Variants in ANKIB1 observed in about 807,000 individuals in gnomAD.
ANKIB1 encodes the protein ankyrin repeat and IBR domain-containing protein 1.
A neutral mutation model predicts 122.1 loss-of-function variants in ANKIB1; 43 were observed. The ratio of observed to expected loss-of-function variants is 0.35; its 90% CI spans 0.28 to 0.45. The LOEUF is 0.45. Among genes scored for constraint, ANKIB1 ranks in the 20% least tolerant of loss-of-function variants. ANKIB1 has a pLI of 1.00. For missense variants in ANKIB1, 992 were observed against 1,329.5 expected (o/e 0.75, Z 3.95); for synonymous variants, 390 against 442.0 (o/e 0.88, Z 1.48).
intron 3 of ANKIB1, 100 bp downstream of exon 3, chr7:92,307,756 G>A (rs1164271113): frequency 2.1e-6 from 2 of 941,738 alleles, no homozygotes; most frequent in East Asian, 6.7e-5. Context: ...TAGTAATTTG[G>A]TCATTTTTTT....
At chr7:92,322,876 C>A (rs569436646) in intron 4 of ANKIB1, among the ~76,000 whole-genome samples, 1 of 152,238 alleles carries the variant, frequency 6.6e-6, no homozygotes, top group African/African-American at 2.4e-5. Context: ...GAGTTCATAT[C>A]TTTGCCTGAT....
At chr7:92,375,890 G>C (rs913125550) in intron 11 of ANKIB1, among the ~76,000 whole-genome samples, 1 of 152,220 alleles carries the variant, frequency 6.6e-6, no homozygotes, top group African/African-American at 2.4e-5. Flanking sequence ...TTAATCCATA[G>C]GCTGCAGAAC....
chr7:92,283,629 A>G (rs1311862044), intron 1 of ANKIB1, among the ~76,000 whole-genome samples: 1 of 152,184 alleles, frequency 6.6e-6, no homozygotes, highest in African/African-American at 2.4e-5. Context: ...CAATATTTTG[A>G]TCTACCACAA....
chr7:92,345,637 C>T (rs183080510), intron 7 of ANKIB1, among the ~76,000 whole-genome samples: 2 of 152,314 alleles, frequency 1.3e-5, no homozygotes, highest in African/African-American at 4.8e-5. Flanking sequence ...TAACTTTGCT[C>T]TCATGTTGCA....
At chr7:92,329,335 C>G (rs1803106300) in intron 5 of ANKIB1, among the ~76,000 whole-genome samples, 1 of 152,168 alleles carries the variant, frequency 6.6e-6, no homozygotes, top group Non-Finnish European at 1.5e-5. Context: ...ACCTGTAGCT[C>G]TTAAATTTTA....
chr7:92,379,919 G>A (rs931486741), intron 11 of ANKIB1, among the ~76,000 whole-genome samples: 7 of 152,242 alleles, frequency 4.6e-5, no homozygotes, highest in African/African-American at 1.7e-4. Context: ...GCACACGAAG[G>A]GCAAGCCGAA....
At position 92,353,970 on chromosome 7, in the gene ANKIB1, G is replaced by C. The variant is rs146209128; in HGVS notation, c.1397+1328G>C. The stretch of plus-strand genomic sequence containing the variant: ...AAATGTCTAAAAGATAAAAAGATTA[G>C]CTTTTGCAGAGATCAGAGAAAAATT... On this transcript the variant is annotated intron_variant, in intron 9 of 19. Transcript: ENST00000265742. Among the ~76,000 whole-genome samples, 20 of 152,290 alleles carry C rather than the reference G, an allele frequency of 1.3e-4. No homozygotes were observed. The East Asian group carries it at 3.9e-3, about 29-fold the overall frequency.
intron 1 of ANKIB1, among the ~76,000 whole-genome samples, chr7:92,255,177 T>G (rs1801409599): frequency 1.3e-5 from 2 of 152,232 alleles, no homozygotes; most frequent in South Asian, 2.1e-4. Context: ...GAAAATGGAC[T>G]AATAGAATCA....
At chr7:92,288,043 A>G (rs1382400698) in intron 1 of ANKIB1, among the ~76,000 whole-genome samples, 2 of 151,516 alleles carry the variant, frequency 1.3e-5, no homozygotes, top group Non-Finnish European at 2.9e-5. Context: ...CTCAAAAAAA[A>G]AAAAAAAAAA....
intron 9 of ANKIB1, among the ~76,000 whole-genome samples, chr7:92,355,629 C>T (rs930565833): frequency 6.6e-6 from 1 of 151,990 alleles, no homozygotes; most frequent in Non-Finnish European, 1.5e-5. Flanking sequence ...GCAGGGGGAT[C>T]ATGAGGTCAG....
chr7:92,398,397 T>G lies in ANKIB1; in HGVS notation c.2718T>G (p.Pro906=). 2 of 1,613,434 alleles carry G rather than the reference T, an allele frequency of 1.2e-6. No homozygotes were observed. The highest frequency in any genetic ancestry group is 1.7e-6 in the Non-Finnish European group (2 of 1,179,620). The stretch of plus-strand genomic sequence containing the variant: ...CTGTCCCCAGAAATACAGATAGCCC[T>G]CGGGCTGCATTGAGCAGCTCTGAGC... ...LDSVPRNTDS[P]RAALSSSELL... is the part of the protein sequence containing the mutation. Residue 906 remains proline (P), a synonymous_variant, in exon 20 of 20, where the codon CCT becomes CCG. Coordinates refer to ENST00000265742, the MANE Select transcript of ANKIB1 (RefSeq NM_019004.2).
intron 11 of ANKIB1, among the ~76,000 whole-genome samples, chr7:92,377,554 T>G (rs1418080051): frequency 6.6e-6 from 1 of 152,112 alleles, no homozygotes; most frequent in Non-Finnish European, 1.5e-5. Context: ...GCCACAAACT[T>G]CAGTTTGTTT....
At chr7:92,341,640 T>C (rs1156463026) in intron 5 of ANKIB1, among the ~76,000 whole-genome samples, 1 of 152,200 alleles carries the variant, frequency 6.6e-6, no homozygotes, top group African/African-American at 2.4e-5. Context: ...TCCAGTTGAT[T>C]AAGTGGGAAA....
chr7:92,376,839 C>G (rs1804393322), intron 11 of ANKIB1, among the ~76,000 whole-genome samples: 1 of 152,168 alleles, frequency 6.6e-6, no homozygotes, highest in Non-Finnish European at 1.5e-5. Context: ...TCTGCAGCTT[C>G]CTTACCTGTC....
chr7:92,373,600 A>G (rs1257246817), intron 11 of ANKIB1, among the ~76,000 whole-genome samples: 2 of 152,186 alleles, frequency 1.3e-5, no homozygotes, highest in Non-Finnish European at 2.9e-5. Flanking sequence ...TTACTGTGAC[A>G]CAGAAGACTT....
intron 1 of ANKIB1, among the ~76,000 whole-genome samples, chr7:92,267,780 T>G (rs1801705220): frequency 6.6e-6 from 1 of 152,210 alleles, no homozygotes; most frequent in African/African-American, 2.4e-5. Flanking sequence ...GGAGATTTTT[T>G]AATGATAGAA....
chr7:92,346,094 C>A (rs1803533598), intron 7 of ANKIB1, among the ~76,000 whole-genome samples: 1 of 151,986 alleles, frequency 6.6e-6, no homozygotes, highest in East Asian at 1.9e-4. Context: ...TTATCACCCC[C>A]AATTTGTAGG....
At chr7:92,383,214 A>G (rs920517388) in intron 11 of ANKIB1, among the ~76,000 whole-genome samples, 1 of 152,212 alleles carries the variant, frequency 6.6e-6, no homozygotes, top group Non-Finnish European at 1.5e-5. Context: ...CTCTGAATAG[A>G]CCAATAATAG....
rs969439595 is a variant in ANKIB1 at position 92,311,559 on chromosome 7, T to C, written c.486+3903T>C. 2.0e-5 allele frequency among the ~76,000 whole-genome samples: 3 copies of C among 152,132 alleles called. No individual in the cohort carries two copies. The South Asian group carries it at 6.2e-4, about 31-fold the overall frequency. On this transcript the variant is annotated intron_variant, in intron 3 of 19. Transcript: ENST00000265742. ...TCTCTAGCTGTCGAAAATGTTTTTC[T>C]CTCTGGTATATTTATTTAAGGATAG...
Sources: gnomAD v4.1 joint callset for allele counts (sites outside exome capture counted in the v4.1 genomes callset) on GRCh38, gnomAD v4.1.1 for gene constraint, MANE v1.5 for transcripts, NCBI Gene and HGNC (gene_info 2026-07-23, HGNC 2026-07-21) for gene names.